The following DCHS2 variants were observed in gnomAD, a reference collection of about 807,000 sequenced individuals.
DCHS2 encodes the protein protocadherin-23.
A neutral mutation model predicts 182.4 loss-of-function variants in DCHS2; 142 were observed. The observed-to-expected ratio is 0.78, with a 90% CI of 0.68 to 0.89. DCHS2 has a LOEUF of 0.89. DCHS2 is among the 40% of genes least tolerant of loss of function. The pLI is 0.00. For synonymous variants in DCHS2, 1,740 were observed against 1,663.3 expected (o/e 1.05, Z -1.12); for missense variants, 4,319 against 4,198.6 (o/e 1.03, Z -0.79).
At chr4:154,366,940 AG>A (rs1380833045) in intron 2 of DCHS2, among the ~76,000 whole-genome samples, 1 of 152,298 alleles carries the variant, frequency 6.6e-6, no homozygotes, top group African/African-American at 2.4e-5. Context: ...GAGCATGGGC[AG>A]GGGGGTGCCC....
At chr4:154,438,105 A>C (rs1733857745) in intron 1 of DCHS2, among the ~76,000 whole-genome samples, 1 of 152,218 alleles carries the variant, frequency 6.6e-6, no homozygotes, top group African/African-American at 2.4e-5. Flanking sequence ...TAAGGAGGTT[A>C]GAGTAACAAG....
chr4:154,390,574 T>C (rs1731653473), intron 1 of DCHS2, among the ~76,000 whole-genome samples: 1 of 151,880 alleles, frequency 6.6e-6, no homozygotes, highest in South Asian at 2.1e-4. Flanking sequence ...CATCTTTCAT[T>C]TCCAGATACT....
intron 8 of DCHS2, among the ~76,000 whole-genome samples, chr4:154,322,096 A>T (rs998897022): frequency 2.0e-5 from 3 of 152,334 alleles, no homozygotes; most frequent in South Asian, 4.1e-4. Flanking sequence ...AGTGATGATT[A>T]TCTTGTCAAG....
chr4:154,320,992 A>G lies in DCHS2; in HGVS notation c.4407T>C (p.Tyr1469=), dbSNP rs1470378372. Residue 1469 remains tyrosine (Y), a synonymous_variant, in exon 9 of 20, where the codon TAT becomes TAC. Transcript: ENST00000357232. The part of the protein sequence containing the change: ...GDLFLSKELD[Y]ETTSHYLFRV... Reference sequence around the variant, plus strand: ...TGAAAAGATAATGAGATGTCGTCTCATAATCAAGTTCCTTAGAAAGAAACA... The same window carrying G: ...TGAAAAGATAATGAGATGTCGTCTCGTAATCAAGTTCCTTAGAAAGAAACA... 6.2e-7 allele frequency: 1 copy of G among 1,613,958 alleles called. No homozygotes were observed. The highest frequency in any genetic ancestry group is 1.3e-5 in the African/African-American group (1 of 74,906).
intron 1 of DCHS2, among the ~76,000 whole-genome samples, chr4:154,403,681 C>T (rs1358922940): frequency 3.3e-5 from 5 of 152,052 alleles, no homozygotes; most frequent in Non-Finnish European, 7.4e-5. Flanking sequence ...AACATTCCGT[C>T]GCCCTATATT....
intron 5 of DCHS2, among the ~76,000 whole-genome samples, chr4:154,330,772 G>C (rs1736488165): frequency 6.6e-6 from 1 of 151,984 alleles, no homozygotes; most frequent in African/African-American, 2.4e-5. Context: ...TATGATAACT[G>C]TTTACTGTTA....
At chr4:154,465,434 C>T (rs1735198012) in intron 1 of DCHS2, among the ~76,000 whole-genome samples, 4 of 152,164 alleles carry the variant, frequency 2.6e-5, no homozygotes, top group South Asian at 2.1e-4. Context: ...TTTGGGAGAC[C>T]AAGGCGGGTG....
chr4:154,274,619 A>G (rs1414216493), intron 13 of DCHS2, among the ~76,000 whole-genome samples: 3 of 151,968 alleles, frequency 2.0e-5, no homozygotes, highest in African/African-American at 7.3e-5. Flanking sequence ...GCTCAGTGTA[A>G]TTTTTCAGGA....
rs751828117 is a variant in DCHS2, at chr4:154,298,093, ACCACAGTTCCATTGGGCC to A, written c.6203_6220del (p.Gly2068_Val2073del). ...TGACTGGGTCTCTGCAAAACTAAAA[ACCACAGTTCCATTGGGCC>A]CCAAGTCCAGGTCATCAGCTCTCAC... On this transcript the variant is annotated inframe_deletion, in exon 13 of 20. Coordinates refer to ENST00000357232, the MANE Select transcript of DCHS2 (RefSeq NM_001358235.2). The A allele has an allele frequency of 6.2e-7, 1 of 1,614,080 alleles. No individual in the cohort carries two copies. Among genetic ancestry groups the A allele is most frequent in the Admixed American group, 1.7e-5 (1 of 60,004 alleles).
At chr4:154,431,194 C>T (rs1733544452) in intron 1 of DCHS2, among the ~76,000 whole-genome samples, 1 of 152,114 alleles carries the variant, frequency 6.6e-6, no homozygotes. Flanking sequence ...CTAGAGTGAA[C>T]AGACCTCAGC....
In DCHS2 at chr4:154,490,758, T is replaced by C. The variant is rs1487164621; in HGVS notation, c.598A>G (p.Ser200Gly). Reference sequence around the variant, plus strand: ...TGCACCAGGGTGTAGCCCTGAGTGCTGAACAGTCCGGCGTCCGGATCGTGG... The same window carrying C: ...TGCACCAGGGTGTAGCCCTGAGTGCCGAACAGTCCGGCGTCCGGATCGTGG... ...VAHDPDAGLF[S>G]TQGYTLVQPS... The change falls in exon 1 of 20, where the codon AGC (serine) becomes GGC (glycine). Residue 200 changes from serine to glycine, a missense_variant. Ser to Gly is a moderately conservative substitution (Grantham distance 56). Transcript: ENST00000357232. 1.9e-5 allele frequency: 30 copies of C among 1,551,476 alleles called. No individual in the cohort carries two copies. The highest frequency in any genetic ancestry group is 2.4e-5 in the East Asian group (1 of 40,902).
intron 1 of DCHS2, chr4:154,486,413 C>G: frequency 7.7e-7 from 1 of 1,303,882 alleles, no homozygotes; most frequent in Non-Finnish European, 1.0e-6. Context: ...TTGTTTTTAT[C>G]AGATGACATG....
intron 1 of DCHS2, among the ~76,000 whole-genome samples, chr4:154,466,815 A>G (rs1347829205): frequency 6.6e-6 from 1 of 152,244 alleles, no homozygotes; most frequent in Non-Finnish European, 1.5e-5. Flanking sequence ...TTCAAGAAAT[A>G]TAGGTAGTGT....
At chr4:154,447,979 C>G (rs1432808776) in intron 1 of DCHS2, among the ~76,000 whole-genome samples, 1 of 152,110 alleles carries the variant, frequency 6.6e-6, no homozygotes, top group Non-Finnish European at 1.5e-5. Flanking sequence ...GACTTCCTTT[C>G]CTCACCTCCT....
At position 154,491,298 on chromosome 4, in the gene DCHS2, C is replaced by T. The variant is rs943632699; in HGVS notation, c.58G>A (p.Gly20Arg). 5 of 1,548,242 alleles carry T rather than the reference C, an allele frequency of 3.2e-6. No homozygotes were observed. In the East Asian group the frequency reaches 1.2e-4, roughly 38 times the overall value. ...CTCCCGGGGAGCAGAAGGAGCTTCC[C>T]GACCGGAGCCCGCCGCTGCTGACGC... Reference protein sequence around the residue: ...EGRQQRRAPVGKLLLLPGRRD... With the variant: ...EGRQQRRAPVRKLLLLPGRRD... The change falls in exon 1 of 20, where the codon GGG (glycine) becomes AGG (arginine). Residue 20 changes from glycine (G) to arginine (R), a missense_variant. Transcript: ENST00000357232.
intron 2 of DCHS2, chr4:154,374,301 A>G (rs1196460856): frequency 4.6e-6 from 1 of 215,434 alleles, no homozygotes; most frequent in African/African-American, 2.3e-5. Flanking sequence ...GACAGCAGAC[A>G]GTAGCCTGGA....
intron 1 of DCHS2, among the ~76,000 whole-genome samples, chr4:154,476,660 TCAGCAGTAGGC>T (rs1735695738): frequency 6.6e-6 from 1 of 152,198 alleles, no homozygotes; most frequent in Non-Finnish European, 1.5e-5. Flanking sequence ...TACTAAGCAC[TCAGCAGTAGGC>T]AAGATGGGTA....
intron 1 of DCHS2, among the ~76,000 whole-genome samples, chr4:154,446,103 A>G (rs959962949): frequency 6.6e-6 from 1 of 152,200 alleles, no homozygotes; most frequent in Non-Finnish European, 1.5e-5. Context: ...TAATGAGTCT[A>G]ACTCTCCTAT....
chr4:154,378,242 C>T (rs929897384), intron 1 of DCHS2, among the ~76,000 whole-genome samples: 2 of 152,062 alleles, frequency 1.3e-5, no homozygotes, highest in African/African-American at 4.8e-5. Context: ...AAGCACTTAA[C>T]TTATTTATAC....
Sources: gnomAD v4.1 joint callset for allele counts (sites outside exome capture counted in the v4.1 genomes callset) on GRCh38, gnomAD v4.1.1 for gene constraint, MANE v1.5 for transcripts, NCBI Gene and HGNC (gene_info 2026-07-23, HGNC 2026-07-21) for gene names.